The following LAMC3 variants were observed in gnomAD, a reference collection of about 807,000 sequenced individuals.
LAMC3 encodes laminin subunit gamma 3, also known as laminin subunit gamma-3.
Under a neutral mutation model 173.8 loss-of-function variants are expected in LAMC3, and 128 were observed. That is an observed-to-expected ratio of 0.74 (90% CI 0.64 to 0.85). The LOEUF is 0.85. LAMC3 is among the 40% of genes least tolerant of loss of function. The pLI is 0.00. For missense variants in LAMC3, 2,022 were observed against 2,156.0 expected (o/e 0.94, Z 1.23); for synonymous variants, 897 against 909.1 (o/e 0.99, Z 0.24).
rs977327120 is a variant in LAMC3 at position 131,052,443 on chromosome 9, C to T, written c.1631-48C>T. ...TAAAATCAACATAGACATTTAAAAT[C>T]AAGCTAACCATATGAAGACTGTCAA... On this transcript the variant is annotated intron_variant, in intron 9 of 27. Transcript: ENST00000361069. The T allele has an allele frequency of 6.7e-6, 10 of 1,481,596 alleles. No individual in the cohort carries two copies. The Admixed American group carries it at 1.2e-4, about 17-fold the overall frequency. The allele number at this position is 1,481,596 out of a possible 1,614,324, so 91.8% of individuals were successfully genotyped here.
Position 131,026,342 on chromosome 9 carries a change from G to A in LAMC3, c.431G>A (p.Ser144Asn). 1 of 1,614,202 alleles carries A rather than the reference G, an allele frequency of 6.2e-7. No individual in the cohort carries two copies. ...AAGTTCCACACCAGTCGCCCTGAGA[G>A]CTTTGCCATCTACAAGCGCAGCCGC... ...RLKFHTSRPE[S>N]FAIYKRSRAD... Residue 144 changes from serine to asparagine, a missense_variant, in exon 2 of 28, where the codon AGC (serine) becomes AAC (asparagine). By Grantham distance (46) the Ser-to-Asn change is conservative. Transcript: ENST00000361069. The surrounding 1 kb of genome is among the most constrained non-coding windows in gnomAD (Gnocchi z 4.8).
chr9:131,072,966 G>C, intron 19 of LAMC3, 131 bp downstream of exon 19: 1 of 869,002 alleles, frequency 1.2e-6, no homozygotes, highest in Non-Finnish European at 1.9e-6. Flanking sequence ...CTGCAAAGTG[G>C]GGATCACACA....
intron 1 of LAMC3, among the ~76,000 whole-genome samples, chr9:131,018,111 G>A (rs1263031401): frequency 6.6e-6 from 1 of 151,550 alleles, no homozygotes; most frequent in Admixed American, 6.6e-5. Context: ...CAACAAAAAG[G>A]TTGGGAAAGG....
chr9:131,038,486 C>CA (rs1833984389), intron 4 of LAMC3, among the ~76,000 whole-genome samples: 1 of 152,188 alleles, frequency 6.6e-6, no homozygotes, highest in African/African-American at 2.4e-5. Flanking sequence ...TAGTGAGAGT[C>CA]ACACTATTAT....
chr9:131,014,478 C>A (rs1205902914), intron 1 of LAMC3, among the ~76,000 whole-genome samples: 3 of 152,258 alleles, frequency 2.0e-5, no homozygotes, highest in African/African-American at 7.2e-5. Context: ...GCCCACGCAT[C>A]CTTGCAGCCC....
intron 11 of LAMC3, among the ~76,000 whole-genome samples, chr9:131,056,153 A>G (rs777973892): frequency 6.6e-5 from 10 of 152,164 alleles, no homozygotes; most frequent in South Asian, 2.1e-4. Context: ...CTATGGTTGT[A>G]CCACTGCACT....
chr9:131,037,917 C>G (rs1833973995), intron 4 of LAMC3, among the ~76,000 whole-genome samples: 2 of 152,264 alleles, frequency 1.3e-5, no homozygotes, highest in Non-Finnish European at 2.9e-5. Context: ...GCAAGCTCTG[C>G]TAGCCTCTGA....
rs141918703 is a variant in LAMC3, at chr9:131,061,114, G to A, written c.2238G>A (p.Ala746=). 8.8e-4 allele frequency: 1,424 copies of A among 1,613,902 alleles called. 2 individuals are homozygous for A. Among genetic ancestry groups the A allele is most frequent in the Non-Finnish European group, 1.1e-3 (1,332 of 1,180,014 alleles). Residue 746 remains alanine, a synonymous_variant, in exon 13 of 28, where the codon GCG becomes GCA. Coordinates refer to ENST00000361069, the MANE Select transcript of LAMC3 (RefSeq NM_006059.4). ...CLPGFYGNPF[A]GQADDCQPCP... ...CAGGTTTCTATGGCAACCCTTTCGC[G>A]GGCCAAGCCGACGACTGCCAGCCCT...
At chr9:131,088,174 GAGA>G in intron 27 of LAMC3, among the ~76,000 whole-genome samples, 1 of 152,260 alleles carries the variant, frequency 6.6e-6, no homozygotes, top group East Asian at 1.9e-4. Context: ...GAGGGTTCAG[GAGA>G]AGAAGAAAGA....
intron 1 of LAMC3, among the ~76,000 whole-genome samples, chr9:131,025,594 C>A (rs1833701775): frequency 6.6e-6 from 1 of 152,000 alleles, no homozygotes; most frequent in Non-Finnish European, 1.5e-5. Flanking sequence ...CAGGTGGAGG[C>A]CCCGGGAGAG....
At position 131,079,203 on chromosome 9, in the gene LAMC3, A is replaced by G. The variant is rs1209793496; in HGVS notation, c.3832A>G (p.Thr1278Ala). The G allele has an allele frequency of 6.2e-7, 1 of 1,613,982 alleles. No individual in the cohort carries two copies. Among genetic ancestry groups the G allele is most frequent in the African/African-American group, 1.3e-5 (1 of 74,930 alleles). Residue 1278 changes from threonine (T) to alanine (A), a missense_variant, in exon 23 of 28, where the codon ACA becomes GCA. Coordinates refer to ENST00000361069, the MANE Select transcript of LAMC3 (RefSeq NM_006059.4). Reference sequence around the variant, plus strand: ...CCTGAAGGCGAAGGCCCTGGAGAAGACAGTTGCATCATGGCAGCACATGGC... The same window carrying G: ...CCTGAAGGCGAAGGCCCTGGAGAAGGCAGTTGCATCATGGCAGCACATGGC... ...LGLKAKALEK[T>A]VASWQHMATE...
intron 8 of LAMC3, among the ~76,000 whole-genome samples, chr9:131,047,311 C>T (rs183131464): frequency 6.6e-6 from 1 of 150,578 alleles, no homozygotes; most frequent in Non-Finnish European, 1.5e-5. Flanking sequence ...ACTGCAGGCA[C>T]CCACCACCAC....
intron 6 of LAMC3, among the ~76,000 whole-genome samples, chr9:131,039,778 G>A (rs2133256567): frequency 6.6e-6 from 1 of 152,016 alleles, no homozygotes; most frequent in East Asian, 1.9e-4. Flanking sequence ...GACCTTCGGG[G>A]TTCTCTGGGC....
Position 131,084,734 on chromosome 9 carries a change from TA to T in LAMC3, c.4031-777del, listed in dbSNP as rs373243323. 2.1e-3 allele frequency among the ~76,000 whole-genome samples: 298 copies of T among 143,100 alleles called. 1 individual carries two copies. The highest frequency in any genetic ancestry group is 3.7e-3 in the Middle Eastern group (1 of 270). The allele number at this position is 143,100 out of a possible 152,430, so 93.9% of individuals were successfully genotyped here. A position where few individuals can be genotyped will look rare whatever the true frequency, so the allele number is the denominator to read the frequency against. Reference sequence around the variant, plus strand: ...CAACATGGTGAAACTCCATCTCTACTAAAAAAAAAAAAATACCAGCCGTGTA... The same window carrying T: ...CAACATGGTGAAACTCCATCTCTACTAAAAAAAAAAAATACCAGCCGTGTA... On this transcript the variant is annotated intron_variant, in intron 24 of 27. Coordinates refer to ENST00000361069, the MANE Select transcript of LAMC3 (RefSeq NM_006059.4).
At position 131,009,466 on chromosome 9, in the gene LAMC3, C is replaced by A; in HGVS notation, c.252C>A (p.Arg84=). The change falls in exon 1 of 28, where the codon CGC becomes CGA. Residue 84 remains arginine, a synonymous_variant. Transcript: ENST00000361069. The surrounding 1 kb of genome is among the most constrained non-coding windows in gnomAD (Gnocchi z 4.3). ...CQRCDAADPQ[R]HHNASYLTDF... is the part of the protein sequence containing the mutation. The stretch of plus-strand genomic sequence containing the variant: ...GCTGCGACGCCGCCGACCCCCAGCG[C>A]CACCACAACGCCTCCTACCTCACCG... 6.5e-7 allele frequency: 1 copy of A among 1,548,852 alleles called. No homozygotes were observed. The highest frequency in any genetic ancestry group is 1.2e-5 in the South Asian group (1 of 84,032).
rs539637192 is a variant in LAMC3 at position 131,014,275 on chromosome 9, A to T, written c.373+4688A>T. On this transcript the variant is annotated intron_variant, in intron 1 of 27. Transcript: ENST00000361069. ...GGCACTCTCTCTCCTCCAGCGCCTT[A>T]CATGTGCTGTGGCTTCGGCCCAGCG... Among the ~76,000 whole-genome samples the T allele has an allele frequency of 7.0e-4, 106 of 152,340 alleles. 2 individuals are homozygous for T. The highest frequency in any genetic ancestry group is 2.5e-3 in the African/African-American group (103 of 41,586).
intron 1 of LAMC3, among the ~76,000 whole-genome samples, chr9:131,024,836 C>T (rs1038037724): frequency 6.6e-6 from 1 of 152,120 alleles, no homozygotes; most frequent in African/African-American, 2.4e-5. Flanking sequence ...GGGGAGCCAC[C>T]GCTGAGCAGG....
rs1388145620 is a variant in LAMC3, at chr9:131,071,624, A to G, written c.3210A>G (p.Pro1070=). ...GDVYQGHHLL[P]GAREAFLEQM... Reference sequence around the variant, plus strand: ...TCTACCAGGGCCATCACCTGCTTCCAGGTACAGCAGGAGCGCAGAGCGGGA... The same window carrying G: ...TCTACCAGGGCCATCACCTGCTTCCGGGTACAGCAGGAGCGCAGAGCGGGA... Residue 1070 remains proline, a splice_region_variant and synonymous_variant, in exon 18 of 28, where the codon CCA becomes CCG. Coordinates refer to ENST00000361069, the MANE Select transcript of LAMC3 (RefSeq NM_006059.4). The G allele has an allele frequency of 1.9e-6, 3 of 1,579,448 alleles. No individual in the cohort carries two copies. The highest frequency in any genetic ancestry group is 2.3e-5 in the South Asian group (2 of 86,174).
In LAMC3 at chr9:131,065,056, A is replaced by G. The variant is rs1588159883; in HGVS notation, c.2348-1904A>G. On this transcript the variant is annotated intron_variant, in intron 13 of 27. Coordinates refer to ENST00000361069, the MANE Select transcript of LAMC3 (RefSeq NM_006059.4). ...ACTCCATCTAAAAAAAAAAAAAAAA[A>G]AAAGAAAAGGAAAGAAAAAATCATG... Among the ~76,000 whole-genome samples the G allele has an allele frequency of 2.1e-5, 3 of 141,964 alleles. No homozygotes were observed. In the Admixed American group the frequency reaches 2.2e-4, roughly 11 times the overall value. 93.1% of individuals were successfully genotyped at this position (141,964 alleles called of 152,430 possible).
Sources: allele counts gnomAD v4.1 joint callset (sites outside exome capture counted in the v4.1 genomes callset), GRCh38; gene constraint gnomAD v4.1.1; non-coding constraint Gnocchi (gnomAD v3.1); transcripts MANE v1.5; gene names NCBI Gene and HGNC (gene_info 2026-07-23, HGNC 2026-07-21).